Variants in COL28A1 observed in about 807,000 individuals in gnomAD.
COL28A1 encodes collagen type XXVIII alpha 1 chain, also known as collagen alpha-1(XXVIII) chain.
A neutral mutation model predicts 150.2 loss-of-function variants in COL28A1; 161 were observed. The ratio of observed to expected loss-of-function variants is 1.07; its 90% confidence interval spans 0.94 to 1.22. The LOEUF (loss-of-function observed/expected upper bound fraction) is 1.22, where lower values mean the gene tolerates loss of function less well. Ranked by LOEUF, COL28A1 falls within the 50% of genes most tolerant of loss-of-function variation. COL28A1 has a pLI of 0.00. For missense variants in COL28A1, 1,617 were observed against 1,388.3 expected, an observed-to-expected ratio of 1.16 and a Z score of -2.62; for synonymous variants, 552 against 469.7, an observed-to-expected ratio of 1.18 and a Z score of -2.26.
intron 9 of COL28A1, among the ~76,000 whole-genome samples, chr7:7,510,515 C>T (rs886546341): frequency 6.6e-6 from 1 of 152,204 alleles, no homozygotes; most frequent in Non-Finnish European, 1.5e-5. Flanking sequence ...AAACTCCTGA[C>T]CTCAGGTGAT....
At chr7:7,464,966 G>A (rs892223512) in intron 15 of COL28A1, among the ~76,000 whole-genome samples, 1 of 152,138 alleles carries the variant, frequency 6.6e-6, no homozygotes, top group Non-Finnish European at 1.5e-5. Context: ...ATTTACAACT[G>A]GCACCAAAAA....
intron 11 of COL28A1, among the ~76,000 whole-genome samples, chr7:7,504,354 A>C (rs1425588669): frequency 6.6e-6 from 1 of 152,148 alleles, no homozygotes; most frequent in African/African-American, 2.4e-5. Flanking sequence ...ATTATAATTT[A>C]GCCAGGCACA....
At chr7:7,437,203 G>T (rs1031356598) in intron 22 of COL28A1, among the ~76,000 whole-genome samples, 191 bp downstream of exon 22, 1 of 152,288 alleles carries the variant, frequency 6.6e-6, no homozygotes, top group East Asian at 1.9e-4. Flanking sequence ...GGGACCAAGA[G>T]CACAAAATCT....
rs118156996 is a variant in COL28A1 at position 7,526,458 on chromosome 7, G to A, written c.682-2209C>T. Among the ~76,000 whole-genome samples, 265 of 152,200 alleles carry A rather than the reference G, an allele frequency of 1.7e-3. 8 individuals are homozygous for A. The East Asian group carries it at 0.038, about 22-fold the overall frequency. On this transcript the variant is annotated intron_variant, in intron 3 of 34. Coordinates refer to ENST00000399429, the MANE Select transcript of COL28A1 (RefSeq NM_001037763.3). ...AAATACGTAAGATATTTCAAACCAC[G>A]TCAGAGAGTGGTTTCCTCTGGGAGA...
chr7:7,481,572 G>A (rs890100568), intron 13 of COL28A1, among the ~76,000 whole-genome samples: 8 of 152,084 alleles, frequency 5.3e-5, no homozygotes, highest in African/African-American at 1.9e-4. Context: ...TACTTACTTG[G>A]CTTCTAACGA....
chr7:7,406,981 G>A (rs1175393531), intron 27 of COL28A1, among the ~76,000 whole-genome samples: 4 of 152,018 alleles, frequency 2.6e-5, no homozygotes, highest in African/African-American at 9.7e-5. Flanking sequence ...GAATGACTAT[G>A]TGGGTTTTAA....
At chr7:7,412,977 C>G (rs1783870061) in intron 27 of COL28A1, among the ~76,000 whole-genome samples, 1 of 152,080 alleles carries the variant, frequency 6.6e-6, no homozygotes, top group African/African-American at 2.4e-5. Flanking sequence ...GTCCCTCATT[C>G]TCTTTCCCTT....
chr7:7,440,853 T>C lies in COL28A1; in HGVS notation c.1659A>G (p.Glu553=). ...GATTTCCTTTGCTCCCTTTCTTGCC[T>C]TCGTCACCCTAACAAAATAATTATG... ...GKGQPGPKGD[E]GKKGSKGNQG... Residue 553 remains glutamate, a synonymous_variant, in exon 21 of 35, where the codon GAA becomes GAG. Transcript: ENST00000399429. 6.7e-7 allele frequency: 1 copy of C among 1,500,818 alleles called. No individual in the cohort carries two copies. Among genetic ancestry groups the C allele is most frequent in the Non-Finnish European group, 9.3e-7 (1 of 1,077,356 alleles). 93.0% of individuals were successfully genotyped at this position (1,500,818 alleles called of 1,614,324 possible).
At chr7:7,502,067 G>C (rs1356851254) in intron 11 of COL28A1, among the ~76,000 whole-genome samples, 3 of 152,114 alleles carry the variant, frequency 2.0e-5, no homozygotes, top group African/African-American at 7.2e-5. Context: ...GCTAATTTTT[G>C]TGCTGTTAGT....
intron 27 of COL28A1, among the ~76,000 whole-genome samples, chr7:7,407,889 A>G (rs995649124): frequency 3.9e-5 from 6 of 152,184 alleles, no homozygotes; most frequent in African/African-American, 7.2e-5. Flanking sequence ...AGGATTAAAA[A>G]TAGAACACCA....
At chr7:7,476,795 C>A (rs1049544766) in intron 14 of COL28A1, among the ~76,000 whole-genome samples, 1 of 152,156 alleles carries the variant, frequency 6.6e-6, no homozygotes, top group African/African-American at 2.4e-5. Context: ...TAGCTACACT[C>A]GATGATTTAA....
chr7:7,402,226 T>G (rs996242157), intron 27 of COL28A1, among the ~76,000 whole-genome samples: 1 of 152,242 alleles, frequency 6.6e-6, no homozygotes, highest in Non-Finnish European at 1.5e-5. Context: ...TTTCATCATT[T>G]GAACATCAAG....
intron 25 of COL28A1, among the ~76,000 whole-genome samples, chr7:7,431,067 G>A (rs1784936367): frequency 6.6e-6 from 1 of 152,128 alleles, no homozygotes; most frequent in African/African-American, 2.4e-5. Flanking sequence ...ATTCCACCTG[G>A]GAGAGGGCAA....
chr7:7,438,022 T>C (rs1583371094), intron 21 of COL28A1, among the ~76,000 whole-genome samples: 1 of 151,556 alleles, frequency 6.6e-6, no homozygotes, highest in Non-Finnish European at 1.5e-5. Context: ...TCACTTGAGG[T>C]CAGGAGTTTT....
intron 18 of COL28A1, among the ~76,000 whole-genome samples, chr7:7,446,556 T>C (rs1355563845): frequency 1.3e-5 from 2 of 152,204 alleles, no homozygotes; most frequent in Non-Finnish European, 2.9e-5. Context: ...CCCTATCTTA[T>C]ACAAACATTT....
chr7:7,418,928 A>T (rs1166457549), intron 26 of COL28A1, among the ~76,000 whole-genome samples: 1 of 152,210 alleles, frequency 6.6e-6, no homozygotes, highest in Non-Finnish European at 1.5e-5. Context: ...AGATAAACTG[A>T]GAATCTTGGT....
intron 25 of COL28A1, among the ~76,000 whole-genome samples, chr7:7,431,041 G>A (rs1784934198): frequency 6.6e-6 from 1 of 152,148 alleles, no homozygotes; most frequent in Non-Finnish European, 1.5e-5. Flanking sequence ...TTAGTGCCAT[G>A]GGTCTCCAAT....
intron 27 of COL28A1, among the ~76,000 whole-genome samples, chr7:7,383,030 T>C (rs1232557956): frequency 6.6e-6 from 1 of 152,118 alleles, no homozygotes; most frequent in African/African-American, 2.4e-5. Context: ...CTCTTTTAAA[T>C]TGTTATAATG....
At chr7:7,474,502 G>A in intron 15 of COL28A1, 99 bp downstream of exon 15, 2 of 565,454 alleles carry the variant, frequency 3.5e-6, no homozygotes, top group Non-Finnish European at 3.1e-6. Flanking sequence ...ATACCTGTGT[G>A]GCATGGTTGT....
Sources: allele counts gnomAD v4.1 joint callset (sites outside exome capture counted in the v4.1 genomes callset), GRCh38; gene constraint gnomAD v4.1.1; transcripts MANE v1.5; gene names NCBI Gene and HGNC (gene_info 2026-07-23, HGNC 2026-07-21).